The following CD53 variants were observed in gnomAD, a reference collection of about 807,000 sequenced individuals.
CD53 encodes CD53 molecule.
A neutral mutation model predicts 27.3 loss-of-function variants in CD53; 20 were observed. That is an observed-to-expected ratio of 0.73 (90% CI 0.52 to 1.07). The LOEUF is 1.07. CD53 is among the 50% of genes least tolerant of loss of function. The pLI is 0.00. For missense variants in CD53, 216 were observed against 264.0 expected (o/e 0.82, Z 1.26); for synonymous variants, 106 against 105.3 (o/e 1.01, Z -0.04).
At chr1:110,896,606 C>T (rs1456558056) in intron 5 of CD53, 47 bp from the exon 6 acceptor site, 2 of 1,563,182 alleles carry the variant, frequency 1.3e-6, no homozygotes, top group South Asian at 1.1e-5. Flanking sequence ...AGCTTTTTTT[C>T]ACTGTTGACT....
intron 1 of CD53, among the ~76,000 whole-genome samples, chr1:110,885,646 T>C (rs1656556356): frequency 6.6e-6 from 1 of 152,056 alleles, no homozygotes; most frequent in Admixed American, 6.5e-5. Context: ...GCAGATCACC[T>C]GAGGTCAGGA....
In CD53 at chr1:110,894,398, G is replaced by C. The variant is rs779244088; in HGVS notation, c.324G>C (p.Gln108His). The C allele has an allele frequency of 3.6e-5, 58 of 1,611,872 alleles. No homozygotes were observed. The highest frequency in any genetic ancestry group is 4.9e-5 in the Non-Finnish European group (58 of 1,178,024). ...TLAILLFVYE[Q>H]KLNEYVAKGL... ...CCATCCTGCTCTTTGTATATGAACA[G>C]AAGGTAAGTTATAAAGACAACAACT... Residue 108 changes from glutamine (Q) to histidine (H), a missense_variant, in exon 4 of 8, where the codon CAG becomes CAC. Coordinates refer to ENST00000271324, the MANE Select transcript of CD53 (RefSeq NM_000560.4).
chr1:110,896,388 A>G (rs1448072139), intron 5 of CD53, among the ~76,000 whole-genome samples: 1 of 152,148 alleles, frequency 6.6e-6, no homozygotes, highest in Non-Finnish European at 1.5e-5. Context: ...TCCCTCCATT[A>G]TGCAGTCCCT....
chr1:110,892,651 G>T (rs889132901), intron 3 of CD53, 118 bp downstream of exon 3: 5 of 866,744 alleles, frequency 5.8e-6, no homozygotes, highest in African/African-American at 5.1e-5. Context: ...AAATGAGATT[G>T]GTACCTCAGA....
At chr1:110,877,382 C>A (rs559230753) in intron 1 of CD53, among the ~76,000 whole-genome samples, 1 of 152,186 alleles carries the variant, frequency 6.6e-6, no homozygotes, top group Non-Finnish European at 1.5e-5. Flanking sequence ...GGCCTCTAGC[C>A]GAGGGACCCC....
chr1:110,896,156 C>T (rs1199478705), intron 5 of CD53, among the ~76,000 whole-genome samples: 1 of 152,126 alleles, frequency 6.6e-6, no homozygotes, highest in African/African-American at 2.4e-5. Context: ...CTTCTCCACT[C>T]TCTAGATCAG....
At chr1:110,895,081 G>C in intron 5 of CD53, 26 bp downstream of exon 5, 1 of 1,516,128 alleles carries the variant, frequency 6.6e-7, no homozygotes, top group Non-Finnish European at 9.2e-7. Context: ...ATCCTCTTCA[G>C]ATCAGCCCAG....
chr1:110,877,518 C>T (rs1490178315), intron 1 of CD53, among the ~76,000 whole-genome samples: 3 of 152,042 alleles, frequency 2.0e-5, no homozygotes, highest in African/African-American at 7.2e-5. Context: ...TAGAAGAGTC[C>T]CTGTCCCACC....
intron 1 of CD53, among the ~76,000 whole-genome samples, chr1:110,877,916 CG>C: frequency 6.6e-6 from 1 of 152,150 alleles, no homozygotes; most frequent in East Asian, 1.9e-4. Context: ...GGAGTTCAAA[CG>C]AGCTGATGAA....
At chr1:110,888,846 A>G (rs1230056447) in intron 1 of CD53, among the ~76,000 whole-genome samples, 1 of 152,212 alleles carries the variant, frequency 6.6e-6, no homozygotes, top group Non-Finnish European at 1.5e-5. Context: ...GCTCTAGGGT[A>G]CAGTGAATCA....
At chr1:110,895,172 C>T (rs1161458543) in intron 5 of CD53, 117 bp downstream of exon 5, 2 of 738,080 alleles carry the variant, frequency 2.7e-6, no homozygotes, top group Non-Finnish European at 4.8e-6. Flanking sequence ...ATCCCTGAAT[C>T]CCAGAATAAT....
At chr1:110,894,290 G>C in intron 3 of CD53, 37 bp from the exon 4 acceptor site, 1 of 1,580,550 alleles carries the variant, frequency 6.3e-7, no homozygotes, top group Non-Finnish European at 8.7e-7. Context: ...ACGAGAATGG[G>C]GATCAGTGCT....
At chr1:110,881,170 G>A (rs902848754) in intron 1 of CD53, among the ~76,000 whole-genome samples, 1 of 152,086 alleles carries the variant, frequency 6.6e-6, no homozygotes, top group Non-Finnish European at 1.5e-5. Flanking sequence ...AACACTGAGC[G>A]TATGCATCAC....
chr1:110,881,644 A>C (rs1656357684), intron 1 of CD53, among the ~76,000 whole-genome samples: 1 of 152,232 alleles, frequency 6.6e-6, no homozygotes, highest in Admixed American at 6.5e-5. Context: ...TGGCTGGATC[A>C]TATGATAAGT....
chr1:110,890,198 C>T (rs1656796296), intron 1 of CD53, among the ~76,000 whole-genome samples: 1 of 152,130 alleles, frequency 6.6e-6, no homozygotes, highest in Non-Finnish European at 1.5e-5. Context: ...CCCCAACATT[C>T]TGCTTGATAT....
intron 1 of CD53, among the ~76,000 whole-genome samples, chr1:110,881,727 A>C (rs1378349874): frequency 1.3e-5 from 2 of 152,210 alleles, no homozygotes; most frequent in Non-Finnish European, 2.9e-5. Flanking sequence ...TCCCACCAAC[A>C]GTGTATAAGA....
chr1:110,878,187 C>A (rs1342143027), intron 1 of CD53, among the ~76,000 whole-genome samples: 1 of 152,186 alleles, frequency 6.6e-6, no homozygotes, highest in Admixed American at 6.5e-5. Flanking sequence ...TTATGAGGAA[C>A]TTAGTTATTT....
At position 110,886,869 on chromosome 1, in the gene CD53, A is replaced by ATATATATTTTT. The variant is rs1298376721; in HGVS notation, c.-17-4522_-17-4521insATATATTTTTT. On this transcript the variant is annotated intron_variant, in intron 1 of 7. Coordinates refer to ENST00000271324, the MANE Select transcript of CD53 (RefSeq NM_000560.4). ...CCAATATATATATATATATATATAT[A>ATATATATTTTT]TTTTTTTTTTCTGTCTGTGTTTCTT... 9.2e-3 allele frequency among the ~76,000 whole-genome samples: 762 copies of ATATATATTTTT among 82,632 alleles called. 7 individuals carry two copies. The highest frequency in any genetic ancestry group is 0.026 in the African/African-American group (482 of 18,602). 54.2% of individuals were successfully genotyped at this position (82,632 alleles called of 152,430 possible).
At chr1:110,896,767 T>A (rs778116183) in intron 6 of CD53, 34 bp downstream of exon 6, 8 of 1,570,558 alleles carry the variant, frequency 5.1e-6, no homozygotes, top group Non-Finnish European at 6.1e-6. Context: ...GTTATTGACC[T>A]CTTTGTTTAA....
Sources: allele counts gnomAD v4.1 joint callset (sites outside exome capture counted in the v4.1 genomes callset), GRCh38; gene constraint gnomAD v4.1.1; transcripts MANE v1.5; gene names NCBI Gene and HGNC (gene_info 2026-07-23, HGNC 2026-07-21).